The following PHTF2 variants were observed in gnomAD, a reference collection of about 807,000 sequenced individuals.
PHTF2 encodes protein PHTF2.
Under a neutral mutation model 101.2 loss-of-function variants are expected in PHTF2, and 60 were observed. The observed-to-expected ratio is 0.59, with a 90% CI of 0.48 to 0.73. The LOEUF is 0.73. Ranked by LOEUF, PHTF2 falls within the 30% of genes least tolerant of loss-of-function variation. The probability of loss-of-function intolerance (pLI) is 0.00; values close to 1 mark genes in which losing one functional copy is unlikely to be tolerated. For synonymous variants in PHTF2, 311 were observed against 307.3 expected (o/e 1.01, Z -0.13); for missense variants, 747 against 908.7 (o/e 0.82, Z 2.29).
At chr7:77,933,255 A>G (rs1312323949) in intron 12 of PHTF2, among the ~76,000 whole-genome samples, 1 of 152,168 alleles carries the variant, frequency 6.6e-6, no homozygotes, top group Non-Finnish European at 1.5e-5. Flanking sequence ...TAATAATAAT[A>G]AAATAAATAA....
intron 9 of PHTF2, among the ~76,000 whole-genome samples, chr7:77,912,607 A>G (rs2150877458): frequency 6.7e-6 from 1 of 148,472 alleles, no homozygotes; most frequent in South Asian, 2.2e-4. Context: ...AGCTTTGTGT[A>G]TGGTATGTTG....
intron 1 of PHTF2, among the ~76,000 whole-genome samples, chr7:77,823,435 G>T (rs1794465933): frequency 6.6e-6 from 1 of 151,958 alleles, no homozygotes; most frequent in South Asian, 2.1e-4. Context: ...TGGCCAGGAT[G>T]GTCTCGATGT....
chr7:77,912,619 T>C (rs2150877559), intron 9 of PHTF2, among the ~76,000 whole-genome samples: 1 of 152,014 alleles, frequency 6.6e-6, no homozygotes, highest in East Asian at 1.9e-4. Context: ...GGTATGTTGA[T>C]GGTTTTCTAG....
At chr7:77,805,951 G>A (rs1056873546) in intron 1 of PHTF2, among the ~76,000 whole-genome samples, 1 of 152,168 alleles carries the variant, frequency 6.6e-6, no homozygotes, top group African/African-American at 2.4e-5. Context: ...GAGGCAGGCG[G>A]GTCATTTGAG....
At chr7:77,929,200 A>T in exon 12 of PHTF2, 7 of 1,613,526 alleles carry the variant, frequency 4.3e-6, no homozygotes, top group Non-Finnish European at 5.9e-6. Flanking sequence ...GAAACAGAAG[A>T]TGTGTTATGG....
At chr7:77,954,960 T>A in exon 20 of PHTF2, 1 of 712,328 alleles carries the variant, frequency 1.4e-6, no homozygotes, top group South Asian at 2.0e-5. Context: ...CACTGATTCT[T>A]TGCTTCAGGA....
At chr7:77,954,879 C>T in exon 20 of PHTF2, 1 of 1,496,174 alleles carries the variant, frequency 6.7e-7, no homozygotes, top group Non-Finnish European at 9.2e-7. Flanking sequence ...TAAGTCATGA[C>T]AATTCAAAGA....
intron 3 of PHTF2, among the ~76,000 whole-genome samples, chr7:77,865,116 C>A (rs1797948425): frequency 6.6e-6 from 1 of 152,084 alleles, no homozygotes; most frequent in East Asian, 1.9e-4. Context: ...GGGAAAGCTA[C>A]AGAGAGATCT....
At chr7:77,927,199 TACACACAC>T (rs375873189) in intron 11 of PHTF2, among the ~76,000 whole-genome samples, 22 of 108,564 alleles carry the variant, frequency 2.0e-4, no homozygotes, top group Admixed American at 6.4e-4. Flanking sequence ...TATATATACA[TACACACAC>T]ACACACACAC....
At chr7:77,917,455 A>T (rs750460326) in intron 9 of PHTF2, among the ~76,000 whole-genome samples, 2 of 152,204 alleles carry the variant, frequency 1.3e-5, no homozygotes, top group Non-Finnish European at 2.9e-5. Flanking sequence ...TTACAATTAC[A>T]TTTATTTCTA....
intron 3 of PHTF2, among the ~76,000 whole-genome samples, chr7:77,889,897 C>T (rs548374112): frequency 6.6e-6 from 1 of 152,016 alleles, no homozygotes; most frequent in Non-Finnish European, 1.5e-5. Context: ...CCATGCCTGG[C>T]CTATCTGGTA....
chr7:77,954,796 G>C, intron 19 of PHTF2, 62 bp from the exon 19 acceptor site: 1 of 878,328 alleles, frequency 1.1e-6, no homozygotes, highest in East Asian at 2.5e-5. Context: ...GGTGTTATAT[G>C]ATATAATTTA....
chr7:77,922,904 T>G, intron 11 of PHTF2, 126 bp downstream of exon 10: 1 of 1,285,152 alleles, frequency 7.8e-7, no homozygotes, highest in South Asian at 1.8e-5. Flanking sequence ...TTTATTATTG[T>G]TGTATGATCT....
chr7:77,919,807 C>A (rs1163859337), intron 9 of PHTF2, among the ~76,000 whole-genome samples: 2 of 151,850 alleles, frequency 1.3e-5, no homozygotes, highest in African/African-American at 2.4e-5. Flanking sequence ...TTTTTTATAT[C>A]TTTTTATGTT....
At chr7:77,926,019 G>A (rs564483283) in intron 11 of PHTF2, among the ~76,000 whole-genome samples, 1 of 151,866 alleles carries the variant, frequency 6.6e-6, no homozygotes, top group East Asian at 2.0e-4. Context: ...TCACGCCACT[G>A]CATCCAGCGT....
At chr7:77,938,862 T>C (rs1805392265) in intron 13 of PHTF2, among the ~76,000 whole-genome samples, 1 of 152,268 alleles carries the variant, frequency 6.6e-6, no homozygotes, top group East Asian at 1.9e-4. Context: ...TAAATTTCTT[T>C]GGTGCATTAT....
exon 6 of PHTF2, chr7:77,900,730 A>C (rs1801312639): frequency 3.2e-6 from 5 of 1,571,000 alleles, no homozygotes; most frequent in Non-Finnish European, 4.4e-6. Flanking sequence ...AATAAACCAA[A>C]GAAAACAGCA....
chr7:77,896,276 A>G (rs1433472377), intron 5 of PHTF2, among the ~76,000 whole-genome samples: 1 of 152,186 alleles, frequency 6.6e-6, no homozygotes, highest in Non-Finnish European at 1.5e-5. Context: ...CTACCCATTA[A>G]TCAATTTATC....
At chr7:77,809,656 G>T (rs1052009573) in intron 1 of PHTF2, among the ~76,000 whole-genome samples, 2 of 152,138 alleles carry the variant, frequency 1.3e-5, no homozygotes, top group Non-Finnish European at 2.9e-5. Context: ...TAATAATTCA[G>T]TTTTTATCGT....
Sources: gnomAD v4.1 joint callset for allele counts (sites outside exome capture counted in the v4.1 genomes callset) on GRCh38, gnomAD v4.1.1 for gene constraint, MANE v1.5 for transcripts, NCBI Gene and HGNC (gene_info 2026-07-23, HGNC 2026-07-21) for gene names.